EDEM3: variants seen among roughly 807,000 people sequenced by gnomAD.
EDEM3 encodes ER degradation-enhancing alpha-mannosidase-like protein 3.
A neutral mutation model predicts 110.2 loss-of-function variants in EDEM3; 60 were observed. The observed-to-expected ratio is 0.54, with a 90% confidence interval of 0.44 to 0.67. The LOEUF (loss-of-function observed/expected upper bound fraction) is 0.67. Among genes scored for constraint, EDEM3 ranks in the 30% least tolerant of loss-of-function variants. EDEM3 has a pLI of 0.00. For missense variants in EDEM3, 996 were observed against 1,121.0 expected, an observed-to-expected ratio of 0.89 and a Z score of 1.59; for synonymous variants, 352 against 382.9, an observed-to-expected ratio of 0.92 and a Z score of 0.94.
At position 184,694,329 on chromosome 1, in the gene EDEM3, C is replaced by T. The variant is rs1258891195; in HGVS notation, c.2533G>A (p.Glu845Lys). 5 of 1,613,050 alleles carry T rather than the reference C, an allele frequency of 3.1e-6. No individual in the cohort carries two copies. The highest frequency in any genetic ancestry group is 4.2e-6 in the Non-Finnish European group (5 of 1,179,530). The change falls in exon 20 of 20, where the codon GAA (glutamate) becomes AAA (lysine). Residue 845 changes from glutamate to lysine, a missense_variant. By Grantham distance (56) the Glu-to-Lys change is moderately conservative. Coordinates refer to ENST00000318130, the MANE Select transcript of EDEM3 (RefSeq NM_025191.4). ...TCCATATCTGCTAGAGATAATGATT[C>T]TGGGTGAGAATTTAGAGAATTTTCC... is the stretch of plus-strand genomic sequence containing the variant. ...SEENSLNSHP[E>K]SLSLADMDNA...
chr1:184,745,358 C>G (rs1007744784), intron 2 of EDEM3, among the ~76,000 whole-genome samples: 1 of 152,086 alleles, frequency 6.6e-6, no homozygotes, highest in Non-Finnish European at 1.5e-5. Context: ...ATCTCCCTTA[C>G]TCCCATTAGT....
rs879190570 is a variant in EDEM3, at chr1:184,716,827, G to A, written c.1370+61C>T. ...AAACTTATTTGAATCCTAAATGGTA[G>A]CTGCATTTTGTGTTGTTTCAGAGAG... On this transcript the variant is annotated intron_variant, in intron 13 of 19. Transcript: ENST00000318130. The A allele has an allele frequency of 6.3e-6, 10 of 1,581,752 alleles. 2 individuals are homozygous for A. The Admixed American group carries it at 8.9e-5, about 14-fold the overall frequency.
At chr1:184,719,329 C>A in intron 10 of EDEM3, 84 bp from the exon 11 acceptor site, 3 of 1,512,746 alleles carry the variant, frequency 2.0e-6, no homozygotes, top group Non-Finnish European at 1.8e-6. Context: ...AAAATGTATA[C>A]AAATACAATT....
intron 9 of EDEM3, 48 bp downstream of exon 9, chr1:184,721,241 T>C: frequency 7.1e-7 from 1 of 1,408,076 alleles, no homozygotes; most frequent in South Asian, 1.3e-5. Flanking sequence ...TATAAAAATC[T>C]GGACTCAAAT....
At chr1:184,754,134 C>A (rs1387565150) in intron 1 of EDEM3, among the ~76,000 whole-genome samples, 3 of 152,240 alleles carry the variant, frequency 2.0e-5, no homozygotes, top group Admixed American at 1.3e-4. Context: ...GAAAGCTAAC[C>A]ATGCTTCGGT....
intron 8 of EDEM3, among the ~76,000 whole-genome samples, 196 bp from the exon 9 acceptor site, chr1:184,721,582 C>T (rs1650905053): frequency 6.6e-6 from 1 of 151,922 alleles, no homozygotes; most frequent in Non-Finnish European, 1.5e-5. Flanking sequence ...TTAATTAGCT[C>T]TTAGTTTCAC....
chr1:184,723,862 A>AT lies in EDEM3; in HGVS notation c.748-7dup, dbSNP rs746205020. ...AGAGCTTTTCTGGCATATTCCTGTA[A>AT]TTTAAAAAAAAAAAAAAAAAAAAGA... On this transcript the variant is annotated splice_region_variant and splice_polypyrimidine_tract_variant and intron_variant, in intron 7 of 19. Coordinates refer to ENST00000318130, the MANE Select transcript of EDEM3 (RefSeq NM_025191.4). 5.9e-5 allele frequency: 79 copies of AT among 1,328,854 alleles called. No homozygotes were observed. Among genetic ancestry groups the AT allele is most frequent in the East Asian group, 4.9e-4 (18 of 37,008 alleles). The allele number at this position is 1,328,854 out of a possible 1,614,324, so 82.3% of individuals were successfully genotyped here.
chr1:184,733,404 A>G (rs1030698760), intron 5 of EDEM3, among the ~76,000 whole-genome samples: 1 of 152,260 alleles, frequency 6.6e-6, no homozygotes, highest in African/African-American at 2.4e-5. Flanking sequence ...GTAAAACTAC[A>G]TAACAATTTC....
In EDEM3 at chr1:184,737,609, A is replaced by G; in HGVS notation, c.305+2T>C. 1 of 1,613,782 alleles carries G rather than the reference A, an allele frequency of 6.2e-7. No homozygotes were observed. The highest frequency in any genetic ancestry group is 8.5e-7 in the Non-Finnish European group (1 of 1,179,770). The stretch of plus-strand genomic sequence containing the variant: ...CATGCCATGCCCTGTGTTAATACTC[A>G]CTTTCCCAAGGCATCATCAACGTCA... On this transcript the variant is annotated splice_donor_variant, in intron 3 of 19. Transcript: ENST00000318130. LOFTEE classifies it high-confidence loss of function.
chr1:184,718,758 T>C (rs981199918), intron 11 of EDEM3, among the ~76,000 whole-genome samples: 8 of 152,202 alleles, frequency 5.3e-5, no homozygotes, highest in African/African-American at 1.7e-4. Flanking sequence ...CAAAAGTATA[T>C]CTAATATATA....
chr1:184,712,053 AG>A (rs1650276179), intron 14 of EDEM3, among the ~76,000 whole-genome samples, 176 bp from the exon 15 acceptor site: 1 of 151,774 alleles, frequency 6.6e-6, no homozygotes, highest in Non-Finnish European at 1.5e-5. Context: ...CAGCCTTCCG[AG>A]TAGCTGGGAC....
At chr1:184,720,269 A>T (rs1298657810) in intron 9 of EDEM3, among the ~76,000 whole-genome samples, 1 of 149,784 alleles carries the variant, frequency 6.7e-6, no homozygotes, top group East Asian at 1.9e-4. Context: ...ACTTTTACTA[A>T]TTTTTTTTTT....
intron 2 of EDEM3, among the ~76,000 whole-genome samples, chr1:184,742,312 A>AT (rs1652190149): frequency 1.3e-5 from 2 of 152,354 alleles, no homozygotes; most frequent in South Asian, 4.1e-4. Flanking sequence ...TTTTGATAGC[A>AT]TCAGAATCCA....
intron 2 of EDEM3, among the ~76,000 whole-genome samples, chr1:184,742,312 A>T (rs1652189997): frequency 6.6e-6 from 1 of 152,236 alleles, no homozygotes; most frequent in Non-Finnish European, 1.5e-5. Flanking sequence ...TTTTGATAGC[A>T]TCAGAATCCA....
Position 184,708,259 on chromosome 1 carries a change from T to C in EDEM3, c.1931A>G (p.Gln644Arg), listed in dbSNP as rs767221845. ...ELSSQQQKEQ[Q>R]LPPRAVQIVS... ...AATTTGTACAGCTCGTGGAGGCAGC[T>C]GCTGTTCTTTTTGTTGCTGACTTGA... Residue 644 changes from glutamine to arginine, a missense_variant, in exon 17 of 20, where the codon CAG becomes CGG. This residue lies in a region of EDEM3 where 345 missense variants were observed against 402.0 expected (regional missense o/e 0.86). Transcript: ENST00000318130. 1.9e-6 allele frequency: 3 copies of C among 1,613,480 alleles called. No homozygotes were observed. The highest frequency in any genetic ancestry group is 4.5e-5 in the East Asian group (2 of 44,864).
At chr1:184,734,777 A>G in intron 4 of EDEM3, 134 bp from the exon 5 acceptor site, 1 of 328,610 alleles carries the variant, frequency 3.0e-6, no homozygotes, top group South Asian at 1.0e-4. Context: ...TTCTAAGTAT[A>G]TTATAAAAAT....
intron 6 of EDEM3, among the ~76,000 whole-genome samples, chr1:184,732,172 T>A (rs1216668756): frequency 6.6e-6 from 1 of 151,774 alleles, no homozygotes; most frequent in South Asian, 2.1e-4. Context: ...GGAGACTCCA[T>A]TCCCCCCCAC....
chr1:184,713,838 T>A (rs972633789), intron 13 of EDEM3, among the ~76,000 whole-genome samples: 1 of 152,218 alleles, frequency 6.6e-6, no homozygotes, highest in Non-Finnish European at 1.5e-5. Context: ...AATACACTCA[T>A]GACATTGGTG....
In EDEM3 at chr1:184,754,840, G is replaced by T; in HGVS notation, c.-194C>A. On this transcript the variant is annotated 5_prime_UTR_variant, in exon 1 of 20. Coordinates refer to ENST00000318130, the MANE Select transcript of EDEM3 (RefSeq NM_025191.4). Reference sequence around the variant, plus strand: ...AGCGCCAGCGCTGCCACCGCCCTCCGCCCTCAGTATCCCGGAGCGCCTCCC... The same window carrying T: ...AGCGCCAGCGCTGCCACCGCCCTCCTCCCTCAGTATCCCGGAGCGCCTCCC... 1.1e-6 allele frequency: 1 copy of T among 883,552 alleles called. No individual in the cohort carries two copies. Among genetic ancestry groups the T allele is most frequent in the Non-Finnish European group, 1.6e-6 (1 of 618,584 alleles). The allele number at this position is 883,552 out of a possible 1,614,324, so 54.7% of individuals were successfully genotyped here.
Sources: gnomAD v4.1 joint callset for allele counts (sites outside exome capture counted in the v4.1 genomes callset) on GRCh38, gnomAD v4.1.1 for gene constraint, gnomAD v4.1.1 regional missense constraint, MANE v1.5 for transcripts, NCBI Gene and HGNC (gene_info 2026-07-23, HGNC 2026-07-21) for gene names.